Variants in PRKG1 observed in about 807,000 individuals in gnomAD.
PRKG1 encodes the protein protein kinase cGMP-dependent 1, also known as cGMP-dependent protein kinase 1.
PRKG1 carries 35 observed loss-of-function variants against 88.1 expected under a neutral mutation model. The ratio of observed to expected loss-of-function variants is 0.40; its 90% CI spans 0.30 to 0.53. The LOEUF (loss-of-function observed/expected upper bound fraction) is 0.53, where lower values mean the gene tolerates loss of function less well. Ranked by LOEUF, PRKG1 falls within the 20% of genes least tolerant of loss-of-function variation. PRKG1 has a pLI of 0.59. For missense variants in PRKG1, 540 were observed against 839.8 expected (o/e 0.64, Z 4.41); for synonymous variants, 303 against 292.5 (o/e 1.04, Z -0.37).
chr10:51,547,031 T>A (rs535789800), intron 3 of PRKG1, among the ~76,000 whole-genome samples: 3 of 98,720 alleles, frequency 3.0e-5, no homozygotes, highest in African/African-American at 1.0e-4. Context: ...CATTGCTTAT[T>A]ATAGATATGT....
intron 2 of PRKG1, among the ~76,000 whole-genome samples, chr10:51,211,544 C>T (rs1838220397): frequency 6.6e-6 from 1 of 152,130 alleles, no homozygotes; most frequent in Non-Finnish European, 1.5e-5. Flanking sequence ...TTGCAGATGA[C>T]ATGATTGTAT....
chr10:52,140,644 C>A (rs7894064), intron 8 of PRKG1, among the ~76,000 whole-genome samples: 4,130 of 152,138 alleles, frequency 0.027, 173 homozygotes, highest in African/African-American at 0.095. Flanking sequence ...TGATAACATA[C>A]CCCTGAGGAA....
chr10:52,114,825 G>A (rs571198473), intron 7 of PRKG1, among the ~76,000 whole-genome samples: 4 of 152,180 alleles, frequency 2.6e-5, no homozygotes, highest in African/African-American at 9.6e-5. Context: ...TGATAGTAAT[G>A]GGAATACATG....
At chr10:51,901,346 G>C (rs192894515) in intron 4 of PRKG1, among the ~76,000 whole-genome samples, 1 of 152,310 alleles carries the variant, frequency 6.6e-6, no homozygotes, top group Admixed American at 6.5e-5. Context: ...CATGTCTGTA[G>C]CTTCATTCAT....
chr10:52,241,966 A>G (rs538657186), intron 9 of PRKG1: 4 of 152,344 alleles, frequency 2.6e-5, no homozygotes, highest in East Asian at 3.9e-4. Context: ...GCAAAACGTG[A>G]TTTGTCTTTA....
chr10:51,155,370 T>C (rs1846180484), intron 2 of PRKG1, among the ~76,000 whole-genome samples: 1 of 152,070 alleles, frequency 6.6e-6, no homozygotes, highest in African/African-American at 2.4e-5. Context: ...TTCTAAATAT[T>C]GTTTACATAT....
intron 5 of PRKG1, among the ~76,000 whole-genome samples, chr10:52,012,411 T>G (rs2133172668): frequency 6.6e-6 from 1 of 152,190 alleles, no homozygotes; most frequent in Non-Finnish European, 1.5e-5. Flanking sequence ...CTGGCTAATT[T>G]TTTTGTATTT....
chr10:51,304,358 C>A (rs1018418566), intron 2 of PRKG1, among the ~76,000 whole-genome samples: 4 of 152,002 alleles, frequency 2.6e-5, no homozygotes, highest in Admixed American at 2.6e-4. Flanking sequence ...AAGGAAAAAT[C>A]ATGTGAACAA....
intron 2 of PRKG1, among the ~76,000 whole-genome samples, chr10:51,277,596 A>G (rs949645126): frequency 3.3e-5 from 5 of 152,350 alleles, no homozygotes; most frequent in Admixed American, 2.0e-4. Context: ...ATCCATGAGC[A>G]TGGAATGTTC....
At chr10:51,055,260 G>A (rs2666547) in intron 1 of PRKG1, among the ~76,000 whole-genome samples, 19 of 151,912 alleles carry the variant, frequency 1.3e-4, no homozygotes, top group Non-Finnish European at 2.6e-4. Context: ...CTATTGTTCC[G>A]GCCCAAATTG....
chr10:51,590,981 CAGTT>C lies in PRKG1; in HGVS notation c.592+123148_592+123151del, dbSNP rs57333752. 2.3e-3 allele frequency among the ~76,000 whole-genome samples: 347 copies of C among 152,246 alleles called. 2 individuals carry two copies. The highest frequency in any genetic ancestry group is 8.1e-3 in the African/African-American group (337 of 41,544). On this transcript the variant is annotated intron_variant, in intron 3 of 17. Transcript: ENST00000373980. Reference sequence around the variant, plus strand: ...CAATTAACAGACCTGAGACAACTGACAGTTAGGGAGTGTACTGGACATTGATTTC... The same window carrying C: ...CAATTAACAGACCTGAGACAACTGACAGGGAGTGTACTGGACATTGATTTC...
chr10:52,040,832 C>CTTTTT lies in PRKG1; in HGVS notation c.763-13635_763-13631dup, dbSNP rs11312625. ...TGTGAGTTTGTCATAAATGGCTTTT[C>CTTTTT]TTTTTTTTTTTTTTTTTTTTTGAGA... On this transcript the variant is annotated intron_variant, in intron 5 of 17. Transcript: ENST00000373980. 3.3e-3 allele frequency among the ~76,000 whole-genome samples: 277 copies of CTTTTT among 85,208 alleles called. 6 individuals carry two copies. The highest frequency in any genetic ancestry group is 5.9e-3 in the East Asian group (17 of 2,868). 55.9% of individuals were successfully genotyped at this position (85,208 alleles called of 152,430 possible).
intron 5 of PRKG1, among the ~76,000 whole-genome samples, chr10:52,040,521 TAA>T (rs922276987): frequency 1.3e-5 from 2 of 152,222 alleles, no homozygotes; most frequent in African/African-American, 4.8e-5. Flanking sequence ...TGAAATGAAC[TAA>T]GTTTAAAATA....
At chr10:51,884,043 A>G (rs1361601865) in intron 4 of PRKG1, among the ~76,000 whole-genome samples, 14 of 150,702 alleles carry the variant, frequency 9.3e-5, no homozygotes, top group South Asian at 8.3e-4. Context: ...AAAAAAAAAA[A>G]AAGAAGCTTT....
intron 1 of PRKG1, among the ~76,000 whole-genome samples, chr10:50,994,961 T>G (rs1842822660): frequency 6.6e-6 from 1 of 152,208 alleles, no homozygotes; most frequent in Admixed American, 6.5e-5. Context: ...TATGAAAGGA[T>G]GTGTGTAGGT....
At chr10:51,069,622 T>C (rs188031649), upstream of PRKG1, among the ~76,000 whole-genome samples, 2 of 152,222 alleles carry the variant, frequency 1.3e-5, no homozygotes, top group East Asian at 3.9e-4. Context: ...ATTGCTTTCC[T>C]AAAACATATT....
At chr10:52,264,121 A>C (rs1464666782) in intron 10 of PRKG1, among the ~76,000 whole-genome samples, 3 of 152,042 alleles carry the variant, frequency 2.0e-5, no homozygotes, top group Admixed American at 6.6e-5. Flanking sequence ...CAGGATGTCT[A>C]CATTGCTTTC....
At chr10:51,159,030 A>T (rs569559634) in intron 2 of PRKG1, among the ~76,000 whole-genome samples, 1 of 152,192 alleles carries the variant, frequency 6.6e-6, no homozygotes, top group South Asian at 2.1e-4. Flanking sequence ...TCTGCCTATT[A>T]TGCTGATGTT....
At chr10:51,311,782 T>A (rs907279460) in intron 2 of PRKG1, among the ~76,000 whole-genome samples, 6 of 152,180 alleles carry the variant, frequency 3.9e-5, no homozygotes, top group African/African-American at 1.4e-4. Flanking sequence ...AGCTAAACAC[T>A]TGGATTCCAT....
Sources: gnomAD v4.1 joint callset for allele counts (sites outside exome capture counted in the v4.1 genomes callset) on GRCh38, gnomAD v4.1.1 for gene constraint, MANE v1.5 for transcripts, NCBI Gene and HGNC (gene_info 2026-07-23, HGNC 2026-07-21) for gene names.